The following ST6GALNAC3 variants were observed in gnomAD, a reference collection of about 807,000 sequenced individuals.
ST6GALNAC3 encodes the protein alpha-N-acetylgalactosaminide alpha-2,6-sialyltransferase 3.
A neutral mutation model predicts 32.7 loss-of-function variants in ST6GALNAC3; 25 were observed. The ratio of observed to expected loss-of-function variants is 0.76; its 90% CI spans 0.56 to 1.07. The LOEUF (loss-of-function observed/expected upper bound fraction) is 1.07, where lower values mean the gene tolerates loss of function less well. Ranked by LOEUF, ST6GALNAC3 falls within the 50% of genes least tolerant of loss-of-function variation. ST6GALNAC3 has a pLI of 0.00. For synonymous variants in ST6GALNAC3, 129 were observed against 133.1 expected (o/e 0.97, Z 0.21); for missense variants, 355 against 382.4 (o/e 0.93, Z 0.60).
intron 3 of ST6GALNAC3, among the ~76,000 whole-genome samples, chr1:76,533,410 T>C (rs1663386838): frequency 6.6e-6 from 1 of 152,170 alleles, no homozygotes; most frequent in East Asian, 1.9e-4. Context: ...CCAGATACTT[T>C]GCCTTTTGGG....
chr1:76,198,136 C>T (rs1029513480), intron 1 of ST6GALNAC3, among the ~76,000 whole-genome samples: 1 of 152,154 alleles, frequency 6.6e-6, no homozygotes, highest in Non-Finnish European at 1.5e-5. Context: ...TTCCCAGGCT[C>T]AAGTGATCCT....
At chr1:76,483,102 A>G (rs2101662290) in intron 3 of ST6GALNAC3, among the ~76,000 whole-genome samples, 1 of 151,942 alleles carries the variant, frequency 6.6e-6, no homozygotes. Flanking sequence ...TATGTGCCAC[A>G]TTTTCTTAAT....
chr1:76,225,869 C>G (rs1656036642), intron 1 of ST6GALNAC3, among the ~76,000 whole-genome samples: 1 of 152,060 alleles, frequency 6.6e-6, no homozygotes, highest in Non-Finnish European at 1.5e-5. Context: ...AGCTTAGGAC[C>G]CCAATTATTA....
At chr1:76,594,792 C>T (rs1357838809) in intron 3 of ST6GALNAC3, among the ~76,000 whole-genome samples, 7 of 152,080 alleles carry the variant, frequency 4.6e-5, no homozygotes, top group Admixed American at 4.6e-4. Flanking sequence ...ATTTATGTGA[C>T]CACTCAACAG....
At chr1:76,571,711 A>G (rs142126375) in intron 3 of ST6GALNAC3, among the ~76,000 whole-genome samples, 4 of 152,218 alleles carry the variant, frequency 2.6e-5, no homozygotes, top group African/African-American at 2.4e-5. Context: ...CTTATCATAT[A>G]TAAAGAGTGA....
intron 1 of ST6GALNAC3, among the ~76,000 whole-genome samples, chr1:76,296,408 T>A (rs1291013905): frequency 6.6e-6 from 1 of 152,134 alleles, no homozygotes; most frequent in Non-Finnish European, 1.5e-5. Context: ...TCTAAGGAAA[T>A]GTCTTTGGGT....
chr1:76,129,419 T>G (rs1167201243), intron 1 of ST6GALNAC3, among the ~76,000 whole-genome samples: 2 of 152,136 alleles, frequency 1.3e-5, no homozygotes, highest in Non-Finnish European at 2.9e-5. Flanking sequence ...CCTGCCAAAC[T>G]CAGGATTCTC....
At position 76,173,107 on chromosome 1, in the gene ST6GALNAC3, A is replaced by C. The variant is rs557844082; in HGVS notation, c.18+98223A>C. On this transcript the variant is annotated intron_variant, in intron 1 of 4. Transcript: ENST00000328299. ...ATTATACTACAAGGCTACAGTAACC[A>C]AAACAGCATGGTACTGGTACCAAAA... Among the ~76,000 whole-genome samples the C allele has an allele frequency of 2.0e-5, 3 of 152,340 alleles. No homozygotes were observed. The East Asian group carries it at 5.8e-4, about 29-fold the overall frequency.
At chr1:76,327,530 A>G (rs1647100641) in intron 2 of ST6GALNAC3, among the ~76,000 whole-genome samples, 1 of 152,182 alleles carries the variant, frequency 6.6e-6, no homozygotes, top group Non-Finnish European at 1.5e-5. Context: ...TTTATGAAGG[A>G]TAATCTGATT....
At chr1:76,592,776 C>A (rs1297024974) in intron 3 of ST6GALNAC3, among the ~76,000 whole-genome samples, 1 of 152,116 alleles carries the variant, frequency 6.6e-6, no homozygotes, top group African/African-American at 2.4e-5. Context: ...CAGGTATTGA[C>A]CTTTTCAGGA....
At chr1:76,112,171 T>C (rs1648032663) in intron 1 of ST6GALNAC3, among the ~76,000 whole-genome samples, 1 of 130,236 alleles carries the variant, frequency 7.7e-6, no homozygotes, top group African/African-American at 3.0e-5. Flanking sequence ...GAGGGGCTCC[T>C]CTCTTCCCAG....
chr1:76,524,891 A>G (rs1424954122), intron 3 of ST6GALNAC3, among the ~76,000 whole-genome samples: 3 of 152,038 alleles, frequency 2.0e-5, no homozygotes, highest in East Asian at 1.9e-4. Context: ...ATATAAAAAA[A>G]TTTTGTGATA....
At chr1:76,458,874 T>TA (rs1184355210) in intron 3 of ST6GALNAC3, among the ~76,000 whole-genome samples, 9 of 150,640 alleles carry the variant, frequency 6.0e-5, no homozygotes, top group African/African-American at 2.2e-4. Flanking sequence ...CCCTAAAACT[T>TA]AAAGTATAAC....
intron 3 of ST6GALNAC3, among the ~76,000 whole-genome samples, chr1:76,517,846 C>T (rs1295595633): frequency 2.6e-5 from 4 of 151,738 alleles, no homozygotes; most frequent in Admixed American, 2.6e-4. Context: ...GTTTTCTTGT[C>T]GTTCTTTGTT....
At chr1:76,526,481 A>G (rs905816114) in intron 3 of ST6GALNAC3, among the ~76,000 whole-genome samples, 6 of 151,858 alleles carry the variant, frequency 4.0e-5, no homozygotes, top group Admixed American at 2.6e-4. Context: ...TGGCCTTCAC[A>G]CTAATGAGTC....
At chr1:76,610,676 A>G (rs1647865979) in intron 3 of ST6GALNAC3, among the ~76,000 whole-genome samples, 1 of 152,192 alleles carries the variant, frequency 6.6e-6, no homozygotes, top group African/African-American at 2.4e-5. Flanking sequence ...TTGGACATTT[A>G]CAGTCTGTAA....
chr1:76,472,755 T>C (rs1321252558), intron 3 of ST6GALNAC3, among the ~76,000 whole-genome samples: 1 of 152,146 alleles, frequency 6.6e-6, no homozygotes, highest in Non-Finnish European at 1.5e-5. Flanking sequence ...TAGCTGTTGT[T>C]TTTGGTGCAC....
chr1:76,443,121 A>T (rs1656731368), intron 3 of ST6GALNAC3, among the ~76,000 whole-genome samples: 1 of 152,078 alleles, frequency 6.6e-6, no homozygotes, highest in Non-Finnish European at 1.5e-5. Flanking sequence ...ACATTTAGTG[A>T]TAGACTTCTT....
chr1:76,565,384 C>T (rs1665493416), intron 3 of ST6GALNAC3, among the ~76,000 whole-genome samples: 1 of 152,160 alleles, frequency 6.6e-6, no homozygotes, highest in Non-Finnish European at 1.5e-5. Flanking sequence ...GTCCCCCTCC[C>T]CCAGGAGGCA....
Sources: allele counts gnomAD v4.1 joint callset (sites outside exome capture counted in the v4.1 genomes callset), GRCh38; gene constraint gnomAD v4.1.1; transcripts MANE v1.5; gene names NCBI Gene and HGNC (gene_info 2026-07-23, HGNC 2026-07-21).